Variants in SEMA3A observed in about 807,000 individuals in gnomAD.
SEMA3A encodes semaphorin-3A.
In SEMA3A, 29 loss-of-function variants were observed where a neutral mutation model predicts 97.9. The ratio of observed to expected loss-of-function variants is 0.30; its 90% CI spans 0.22 to 0.40. SEMA3A has a LOEUF of 0.40. Ranked by LOEUF, SEMA3A falls within the 10% of genes least tolerant of loss-of-function variation. The pLI, the probability that SEMA3A is intolerant of heterozygous loss-of-function variation, is 1.00. For missense variants in SEMA3A, 763 were observed against 951.3 expected, an observed-to-expected ratio of 0.80 and a Z score of 2.60; for synonymous variants, 321 against 323.7, an observed-to-expected ratio of 0.99 and a Z score of 0.09.
chr7:84,267,278 C>G (rs1800030189), intron 3 of SEMA3A, among the ~76,000 whole-genome samples: 1 of 152,056 alleles, frequency 6.6e-6, no homozygotes, highest in South Asian at 2.1e-4. Flanking sequence ...AATACTCAAC[C>G]TGAATTACCA....
intron 1 of SEMA3A, among the ~76,000 whole-genome samples, chr7:84,162,605 A>T (rs1797071998): frequency 6.6e-6 from 1 of 152,116 alleles, no homozygotes; most frequent in South Asian, 2.1e-4. Context: ...AAAAAAATAG[A>T]TATGATTTGC....
chr7:84,385,408 T>C (rs899583421), intron 1 of SEMA3A, among the ~76,000 whole-genome samples: 3 of 152,170 alleles, frequency 2.0e-5, no homozygotes, highest in Non-Finnish European at 4.4e-5. Flanking sequence ...CAAGGAGTTT[T>C]CCCAGTTAAC....
intron 3 of SEMA3A, among the ~76,000 whole-genome samples, chr7:84,246,054 G>A (rs570789347): frequency 1.4e-4 from 21 of 152,284 alleles, no homozygotes; most frequent in East Asian, 3.9e-4. Flanking sequence ...TGCCCTGCCC[G>A]GGGTGGGAGG....
At chr7:84,120,604 T>C (rs1411336661) in intron 3 of SEMA3A, among the ~76,000 whole-genome samples, 1 of 152,184 alleles carries the variant, frequency 6.6e-6, no homozygotes, top group Non-Finnish European at 1.5e-5. Context: ...AGGCATTTAC[T>C]GGCATTCATC....
At chr7:84,058,269 T>C (rs1214447773) in intron 5 of SEMA3A, among the ~76,000 whole-genome samples, 1 of 152,166 alleles carries the variant, frequency 6.6e-6, no homozygotes, top group East Asian at 1.9e-4. Context: ...GAACATAGGT[T>C]TTCCCAATGG....
At chr7:84,261,103 T>C (rs1799847677) in intron 3 of SEMA3A, among the ~76,000 whole-genome samples, 1 of 152,156 alleles carries the variant, frequency 6.6e-6, no homozygotes, top group Non-Finnish European at 1.5e-5. Context: ...CTGGGTCTCT[T>C]CAACTCATTG....
intron 3 of SEMA3A, among the ~76,000 whole-genome samples, chr7:84,266,542 A>T (rs544837129): frequency 1.1e-4 from 16 of 152,138 alleles, no homozygotes; most frequent in Non-Finnish European, 2.1e-4. Context: ...TAAAAAAAAG[A>T]CTCATGAGTC....
chr7:84,476,156 A>G (rs560473676), intron 1 of SEMA3A, among the ~76,000 whole-genome samples: 2 of 152,156 alleles, frequency 1.3e-5, no homozygotes, highest in African/African-American at 4.8e-5. Context: ...GGAGTTCGAG[A>G]GCAGCCTGAC....
intron 15 of SEMA3A, among the ~76,000 whole-genome samples, chr7:83,975,200 A>G (rs1204596681): frequency 6.6e-6 from 1 of 152,110 alleles, no homozygotes; most frequent in Admixed American, 6.6e-5. Context: ...CCCCATATAT[A>G]TTTACACTCA....
chr7:84,312,680 C>T (rs760386365), intron 2 of SEMA3A, among the ~76,000 whole-genome samples: 14 of 147,402 alleles, frequency 9.5e-5, no homozygotes, highest in Non-Finnish European at 1.8e-4. Flanking sequence ...TACACACACG[C>T]GTGTACACAA....
chr7:84,235,941 A>T (rs1004269920), intron 3 of SEMA3A, among the ~76,000 whole-genome samples: 1 of 152,082 alleles, frequency 6.6e-6, no homozygotes, highest in Admixed American at 6.6e-5. Flanking sequence ...CACCCTACAC[A>T]CTTTTAACTA....
chr7:84,303,587 A>G (rs58208130), intron 3 of SEMA3A, among the ~76,000 whole-genome samples: 6,877 of 152,132 alleles, frequency 0.045, 515 homozygotes, highest in African/African-American at 0.16. Context: ...AAATACAGAT[A>G]GTCCCCGACC....
At chr7:84,055,959 C>A (rs890708330) in intron 5 of SEMA3A, among the ~76,000 whole-genome samples, 3 of 152,116 alleles carry the variant, frequency 2.0e-5, no homozygotes, top group Admixed American at 1.3e-4. Context: ...AATCATATAT[C>A]TAGAAATTAT....
At chr7:83,994,189 G>A (rs1252357745) in intron 12 of SEMA3A, among the ~76,000 whole-genome samples, 1 of 116,708 alleles carries the variant, frequency 8.6e-6, no homozygotes, top group Non-Finnish European at 1.8e-5. Flanking sequence ...GCACTTCTCT[G>A]TATTGGTTAT....
At chr7:84,414,213 C>T (rs911794289) in intron 1 of SEMA3A, among the ~76,000 whole-genome samples, 35 of 151,962 alleles carry the variant, frequency 2.3e-4, no homozygotes, top group African/African-American at 7.5e-4. Context: ...AATCTGGAAG[C>T]TATGCACCTG....
At chr7:84,183,613 A>G (rs1295296392) in intron 1 of SEMA3A, among the ~76,000 whole-genome samples, 1 of 152,142 alleles carries the variant, frequency 6.6e-6, no homozygotes, top group Non-Finnish European at 1.5e-5. Flanking sequence ...GGATACTATG[A>G]GCAGAGTATG....
At chr7:84,359,770 G>A (rs1270634658) in intron 2 of SEMA3A, among the ~76,000 whole-genome samples, 3 of 152,112 alleles carry the variant, frequency 2.0e-5, no homozygotes, top group Non-Finnish European at 2.9e-5. Context: ...TCTGGTTCTG[G>A]ACATTTTTTG....
intron 14 of SEMA3A, among the ~76,000 whole-genome samples, chr7:83,978,370 A>G (rs879329062): frequency 6.6e-6 from 1 of 152,072 alleles, no homozygotes; most frequent in Admixed American, 6.6e-5. Flanking sequence ...CTTTTTCTAC[A>G]TTTTGCTAAT....
chr7:84,236,642 T>G (rs563331804), intron 3 of SEMA3A, among the ~76,000 whole-genome samples: 151 of 152,262 alleles, frequency 9.9e-4, no homozygotes, highest in African/African-American at 3.4e-3. Context: ...AGCAAGACTT[T>G]TCCATCTATG....
Sources: allele counts gnomAD v4.1 joint callset (sites outside exome capture counted in the v4.1 genomes callset), GRCh38; gene constraint gnomAD v4.1.1; transcripts MANE v1.5; gene names NCBI Gene and HGNC (gene_info 2026-07-23, HGNC 2026-07-21).